Variants in AVEN observed in about 807,000 individuals in gnomAD.
The protein encoded by AVEN is apoptosis and caspase activation inhibitor.
In AVEN, 41 loss-of-function variants were observed where a neutral mutation model predicts 38.1. The observed-to-expected ratio is 1.08, with a 90% CI of 0.84 to 1.40. The LOEUF (loss-of-function observed/expected upper bound fraction) is 1.40, where lower values mean the gene tolerates loss of function less well. Among genes scored for constraint, AVEN ranks in the 40% most tolerant of loss-of-function variants. AVEN has a pLI of 0.00. For synonymous variants in AVEN, 206 were observed against 171.8 expected (o/e 1.20, Z -1.56); for missense variants, 605 against 438.8 (o/e 1.38, Z -3.38).
chr15:33,902,681 A>G (rs190869691), intron 2 of AVEN, among the ~76,000 whole-genome samples: 1 of 152,332 alleles, frequency 6.6e-6, no homozygotes, highest in East Asian at 1.9e-4. Flanking sequence ...ACATAGTAAC[A>G]ACCTGTTAGA....
chr15:33,859,216 A>C (rs1163032354), intron 11 of AVEN: 2 of 198,102 alleles, frequency 1.0e-5, no homozygotes, highest in Non-Finnish European at 2.0e-5. Context: ...TGCAGTTTAT[A>C]GCACAGCCTG....
intron 11 of AVEN, chr15:33,859,846 A>G: frequency 8.5e-7 from 1 of 1,170,656 alleles, no homozygotes; most frequent in Non-Finnish European, 1.2e-6. Flanking sequence ...TTACTTGTTA[A>G]TTTAGCAAGA....
chr15:34,010,582 T>C (rs1897594519), intron 1 of AVEN, among the ~76,000 whole-genome samples: 1 of 23,268 alleles, frequency 4.3e-5, no homozygotes, highest in South Asian at 0.024. Flanking sequence ...TCAAAAACAT[T>C]CACACCATTT....
At chr15:33,877,314 G>A (rs375853997) in intron 2 of AVEN, among the ~76,000 whole-genome samples, 1 of 151,986 alleles carries the variant, frequency 6.6e-6, no homozygotes, top group Non-Finnish European at 1.5e-5. Flanking sequence ...TTTTTAAAAA[G>A]AGCAACCAAT....
At chr15:34,008,483 C>CT (rs200355232) in intron 1 of AVEN, among the ~76,000 whole-genome samples, 1,567 of 118,962 alleles carry the variant, frequency 0.013, 169 homozygotes, top group African/African-American at 0.059. Flanking sequence ...GATGAAAAAC[C>CT]TTTTTTTTTT....
intron 2 of AVEN, among the ~76,000 whole-genome samples, chr15:33,900,814 CT>C (rs1383434831): frequency 9.8e-4 from 30 of 30,650 alleles, no homozygotes; most frequent in Middle Eastern, 0.026. Flanking sequence ...ACCCAGACAA[CT>C]ATTAACTGCC....
intron 2 of AVEN, among the ~76,000 whole-genome samples, chr15:33,900,589 G>T (rs973647748): frequency 2.0e-5 from 3 of 150,846 alleles, no homozygotes; most frequent in African/African-American, 7.3e-5. Context: ...TTATAGGTGT[G>T]AGCCACCATG....
At chr15:34,011,852 A>C (rs1897652294) in intron 1 of AVEN, among the ~76,000 whole-genome samples, 1 of 152,208 alleles carries the variant, frequency 6.6e-6, no homozygotes, top group Non-Finnish European at 1.5e-5. Context: ...GATTTCTCAA[A>C]GTCAAGACCT....
intron 1 of AVEN, among the ~76,000 whole-genome samples, chr15:34,028,355 A>G (rs1321478628): frequency 2.0e-5 from 3 of 152,194 alleles, no homozygotes; most frequent in Non-Finnish European, 4.4e-5. Context: ...ACTTGAGCCC[A>G]GGAGTTCGAG....
intron 1 of AVEN, among the ~76,000 whole-genome samples, chr15:34,025,632 G>T (rs761010325): frequency 6.6e-6 from 1 of 152,178 alleles, no homozygotes; most frequent in Non-Finnish European, 1.5e-5. Context: ...GGTTATAAAA[G>T]ATTTCCTTGC....
chr15:33,969,996 C>T (rs1037306556), intron 2 of AVEN, among the ~76,000 whole-genome samples: 10 of 151,984 alleles, frequency 6.6e-5, no homozygotes, highest in Non-Finnish European at 1.5e-4. Flanking sequence ...ATCCCAACCA[C>T]ATTGGTTTTC....
rs1347908360 is a variant in AVEN at position 33,947,025 on chromosome 15, T to C, written c.445+56007A>G. On this transcript the variant is annotated intron_variant, in intron 2 of 5. Transcript: ENST00000306730. ...TCACAATTTCCCCAGGTGGTTCTCA[T>C]CTGTAGACAGGTTAGGGCCATGGAA... 2.0e-5 allele frequency among the ~76,000 whole-genome samples: 3 copies of C among 152,254 alleles called. No homozygotes were observed. The Middle Eastern group carries it at 0.01, about 518-fold the overall frequency.
At chr15:33,854,658 C>G, downstream of AVEN, 2 of 1,426,096 alleles carry the variant, frequency 1.4e-6, no homozygotes, top group South Asian at 1.4e-5. Flanking sequence ...ACCTCAGCAC[C>G]TAAACCCCCT....
chr15:33,969,397 T>G (rs780974005), intron 2 of AVEN, among the ~76,000 whole-genome samples: 1 of 151,946 alleles, frequency 6.6e-6, no homozygotes, highest in Non-Finnish European at 1.5e-5. Flanking sequence ...TTTATTTTTA[T>G]CCCAATTTTG....
chr15:33,867,747 TG>T lies in AVEN; in HGVS notation c.720del (p.Ile241SerfsTer4). 1.2e-6 allele frequency: 2 copies of T among 1,614,172 alleles called. No homozygotes were observed. Among genetic ancestry groups the T allele is most frequent in the Non-Finnish European group, 1.7e-6 (2 of 1,180,020 alleles). ...GCAGCCACAGATTTCAGCTCAAAGA[TG>T]GGCCCCCTTCCTCCAGGCCCCAAGG... is the stretch of plus-strand genomic sequence containing the variant. ...KGPLGPGGRG[P>X]IFELKSVAAG... On this transcript the variant is annotated frameshift_variant, in exon 5 of 6. Coordinates refer to ENST00000306730, the MANE Select transcript of AVEN (RefSeq NM_020371.3). LOFTEE classifies it high-confidence loss of function.
At chr15:33,861,388 C>CCCCT (rs1456349904), downstream of AVEN, among the ~76,000 whole-genome samples, 1 of 149,422 alleles carries the variant, frequency 6.7e-6, no homozygotes, top group African/African-American at 2.6e-5. Flanking sequence ...AAAAGGCCAG[C>CCCCT]CCCTCAACCT....
chr15:33,882,268 C>T (rs552474312), intron 2 of AVEN, among the ~76,000 whole-genome samples: 1 of 152,258 alleles, frequency 6.6e-6, no homozygotes, highest in African/African-American at 2.4e-5. Flanking sequence ...AATCCAATGA[C>T]TGCTTATTAT....
chr15:33,891,629 A>G (rs561042226), intron 2 of AVEN, among the ~76,000 whole-genome samples: 1 of 152,190 alleles, frequency 6.6e-6, no homozygotes, highest in Non-Finnish European at 1.5e-5. Flanking sequence ...CAGTCTATCA[A>G]TGATGGACAT....
chr15:33,937,932 C>CAAAAAAA (rs55887919), intron 2 of AVEN, among the ~76,000 whole-genome samples: 35 of 100,836 alleles, frequency 3.5e-4, no homozygotes, highest in African/African-American at 4.1e-4. Context: ...CCTACTTGAC[C>CAAAAAAA]AAAAAAAAAA....
Sources: allele counts gnomAD v4.1 joint callset (sites outside exome capture counted in the v4.1 genomes callset), GRCh38; gene constraint gnomAD v4.1.1; transcripts MANE v1.5; gene names NCBI Gene and HGNC (gene_info 2026-07-23, HGNC 2026-07-21).